MSR1: variants seen among roughly 807,000 people sequenced by gnomAD.
The protein encoded by MSR1 is macrophage scavenger receptor 1.
In MSR1, 53 loss-of-function variants were observed where a neutral mutation model predicts 47.2. The observed-to-expected ratio is 1.12, with a 90% CI of 0.90 to 1.41. The LOEUF (loss-of-function observed/expected upper bound fraction) is 1.41. Among genes scored for constraint, MSR1 ranks in the 40% most tolerant of loss-of-function variants. The pLI is 0.00. For missense variants in MSR1, 786 were observed against 546.9 expected (o/e 1.44, Z -4.36); for synonymous variants, 239 against 185.6 (o/e 1.29, Z -2.34).
At chr8:16,118,293 C>T (rs1389968058) in intron 9 of MSR1, among the ~76,000 whole-genome samples, 1 of 152,106 alleles carries the variant, frequency 6.6e-6, no homozygotes, top group African/African-American at 2.4e-5. Context: ...GGATAAGACT[C>T]GTTATGTCCT....
At chr8:16,126,842 C>T (rs1356647815) in intron 8 of MSR1, among the ~76,000 whole-genome samples, 1 of 152,100 alleles carries the variant, frequency 6.6e-6, no homozygotes, top group Admixed American at 6.6e-5. Context: ...CAGACATGAG[C>T]CACTGCACCC....
In MSR1 at chr8:16,150,140, G is replaced by GTATATA. The variant is rs55913131; in HGVS notation, c.979+85_979+90dup. The GTATATA allele has an allele frequency of 2.7e-3, 490 of 178,276 alleles. 1 individual carries two copies. The highest frequency in any genetic ancestry group is 8.4e-3 in the Middle Eastern group (3 of 358). The allele number at this position is 178,276 out of a possible 1,614,324, so 11.0% of individuals were successfully genotyped here. On this transcript the variant is annotated intron_variant, in intron 7 of 9. Transcript: ENST00000262101. The stretch of plus-strand genomic sequence containing the variant: ...TATGTGTGTGTGTATGTGTGTGTGT[G>GTATATA]TATATATATATATATATATATATAT...
intron 1 of MSR1, among the ~76,000 whole-genome samples, chr8:16,189,206 T>C (rs1018026087): frequency 4.1e-4 from 59 of 142,732 alleles, no homozygotes; most frequent in African/African-American, 1.3e-3. Flanking sequence ...CCTTATTTTA[T>C]ATATATTTCA....
intron 1 of MSR1, among the ~76,000 whole-genome samples, chr8:16,189,424 ATAAAATC>A (rs1397092098): frequency 3.5e-5 from 3 of 86,322 alleles, no homozygotes; most frequent in Non-Finnish European, 5.7e-5. Context: ...TTTTATATAT[ATAAAATC>A]ATATTTTATA....
intron 8 of MSR1, chr8:16,121,092 T>C: frequency 2.5e-6 from 1 of 396,872 alleles, no homozygotes; most frequent in South Asian, 2.0e-5. Flanking sequence ...TCAAACTTCA[T>C]ATCTTTTCCC....
At chr8:16,171,220 C>G (rs1179883213) in intron 3 of MSR1, among the ~76,000 whole-genome samples, 1 of 83,312 alleles carries the variant, frequency 1.2e-5, no homozygotes, top group Admixed American at 2.0e-4. Context: ...CAGAGCAAGA[C>G]TCAGTCTCAA....
In MSR1 at chr8:16,109,890, G is replaced by A; in HGVS notation, c.*195C>T. ...AGAAAATTCCATTTAAAAACCTATA[G>A]AAGTTAAAATGATTTAAATATAGAC... On this transcript the variant is annotated 3_prime_UTR_variant, in exon 10 of 10. Transcript: ENST00000262101. 1.5e-6 allele frequency: 1 copy of A among 649,156 alleles called. No homozygotes were observed. The highest frequency in any genetic ancestry group is 2.8e-5 in the East Asian group (1 of 35,304). 40.2% of individuals were successfully genotyped at this position (649,156 alleles called of 1,614,324 possible).
chr8:16,111,480 G>A (rs914158095), intron 9 of MSR1, among the ~76,000 whole-genome samples: 2 of 152,134 alleles, frequency 1.3e-5, no homozygotes, highest in Non-Finnish European at 2.9e-5. Flanking sequence ...GATTTCAGCA[G>A]TGCAGAATTT....
chr8:16,145,354 T>A (rs1291682285), intron 7 of MSR1, among the ~76,000 whole-genome samples: 3 of 152,088 alleles, frequency 2.0e-5, no homozygotes, highest in African/African-American at 7.2e-5. Flanking sequence ...AGGAAAAAGC[T>A]CTAAGAAATT....
intron 1 of MSR1, among the ~76,000 whole-genome samples, chr8:16,189,485 TAAA>T (rs1440829072): frequency 1.0e-5 from 1 of 99,532 alleles, no homozygotes; most frequent in South Asian, 3.0e-4. Flanking sequence ...ATTTTATATA[TAAA>T]ATCTTATTTT....
At position 16,124,509 on chromosome 8, in the gene MSR1, T is replaced by C. The variant is rs138376548; in HGVS notation, c.1034-3903A>G. Among the ~76,000 whole-genome samples the C allele has an allele frequency of 9.9e-3, 1,502 of 152,244 alleles. 15 individuals are homozygous for C. Among genetic ancestry groups the C allele is most frequent in the Non-Finnish European group, 0.015 (992 of 67,994 alleles). On this transcript the variant is annotated intron_variant, in intron 8 of 9. Coordinates refer to ENST00000262101, the MANE Select transcript of MSR1 (RefSeq NM_138715.3). The stretch of plus-strand genomic sequence containing the variant: ...AGAAATTCTCCCCACCTGCACTGCT[T>C]TGTCTTTTTACTTTATATATAACTA...
chr8:16,120,307 GC>G, intron 9 of MSR1, 110 bp downstream of exon 9: 1 of 1,111,542 alleles, frequency 9.0e-7, no homozygotes, highest in Non-Finnish European at 1.3e-6. Flanking sequence ...AATCCGGGAG[GC>G]AGAGGTTGCA....
At chr8:16,138,003 T>A (rs11786803) in intron 8 of MSR1, among the ~76,000 whole-genome samples, 106 of 141,406 alleles carry the variant, frequency 7.5e-4, no homozygotes, top group South Asian at 8.7e-4. Context: ...TAAAAAAAGA[T>A]AAAGGAAAAA....
In MSR1 at chr8:16,159,121, T is replaced by A. The variant is rs1801092150; in HGVS notation, c.818-3977A>T. ...CTAGCCTACAGTCCAGCTGTTACAA[T>A]CTCAGTAATTAATTATACAAAACTC... On this transcript the variant is annotated intron_variant, in intron 5 of 9. Coordinates refer to ENST00000262101, the MANE Select transcript of MSR1 (RefSeq NM_138715.3). 2.0e-5 allele frequency among the ~76,000 whole-genome samples: 3 copies of A among 151,510 alleles called. No homozygotes were observed. In the South Asian group the frequency reaches 6.2e-4, roughly 31 times the overall value.
chr8:16,134,002 C>G (rs1414984045), intron 8 of MSR1, among the ~76,000 whole-genome samples: 1 of 152,098 alleles, frequency 6.6e-6, no homozygotes, highest in Non-Finnish European at 1.5e-5. Flanking sequence ...TTTTTTTCCT[C>G]ACAAATTGAC....
intron 1 of MSR1, among the ~76,000 whole-genome samples, chr8:16,178,232 T>G (rs1487024861): frequency 1.3e-5 from 2 of 151,750 alleles, no homozygotes; most frequent in African/African-American, 2.4e-5. Context: ...TAGGTATATC[T>G]CCTAATAGCT....
chr8:16,141,050 C>T (rs770076841), intron 8 of MSR1: 57 of 1,612,914 alleles, frequency 3.5e-5, no homozygotes, highest in Admixed American at 6.7e-5. Context: ...CTGGTCCTGA[C>T]ACATATATAA....
rs112637901 is a variant in MSR1 at position 16,190,920 on chromosome 8, C to T, written c.-5+1678G>A. 7.1e-3 allele frequency among the ~76,000 whole-genome samples: 1,073 copies of T among 152,096 alleles called. 13 individuals carry two copies. Among genetic ancestry groups the T allele is most frequent in the African/African-American group, 0.024 (1,010 of 41,478 alleles). ...ATTTTCAGTAGAGACAGGGTTTCTCCATGTTGGTCAGGCTGGTCTTGAACT... is the reference window on the plus strand; with the variant it reads ...ATTTTCAGTAGAGACAGGGTTTCTCTATGTTGGTCAGGCTGGTCTTGAACT... On this transcript the variant is annotated intron_variant, in intron 1 of 9. Coordinates refer to ENST00000262101, the MANE Select transcript of MSR1 (RefSeq NM_138715.3).
chr8:16,154,183 C>G (rs528739982), intron 6 of MSR1, among the ~76,000 whole-genome samples: 1 of 151,672 alleles, frequency 6.6e-6, no homozygotes, highest in Non-Finnish European at 1.5e-5. Context: ...AAAGAAGAAC[C>G]TTTTATATAA....
Sources: allele counts gnomAD v4.1 joint callset (sites outside exome capture counted in the v4.1 genomes callset), GRCh38; gene constraint gnomAD v4.1.1; transcripts MANE v1.5; gene names NCBI Gene and HGNC (gene_info 2026-07-23, HGNC 2026-07-21).